RCBTB2: variants seen among roughly 807,000 people sequenced by gnomAD.
The protein encoded by RCBTB2 is RCC1 and BTB domain-containing protein 2.
In RCBTB2, 55 loss-of-function variants were observed where a neutral mutation model predicts 65.4. That is an observed-to-expected ratio of 0.84 (90% CI 0.68 to 1.05). The LOEUF is 1.05. Ranked by LOEUF, RCBTB2 falls within the 50% of genes least tolerant of loss-of-function variation. RCBTB2 has a pLI of 0.00. For synonymous variants in RCBTB2, 220 were observed against 255.2 expected, an observed-to-expected ratio of 0.86 and a Z score of 1.31; for missense variants, 599 against 680.1, an observed-to-expected ratio of 0.88 and a Z score of 1.33.
chr13:48,514,467 G>A (rs1340076174), intron 6 of RCBTB2, among the ~76,000 whole-genome samples: 1 of 152,200 alleles, frequency 6.6e-6, no homozygotes, highest in Non-Finnish European at 1.5e-5. Context: ...TAAAACCAAG[G>A]ATAACGGGAG....
upstream of RCBTB2, among the ~76,000 whole-genome samples, chr13:48,533,816 G>A (rs901176226): frequency 6.6e-6 from 1 of 152,200 alleles, no homozygotes; most frequent in African/African-American, 2.4e-5. Context: ...TGACCTGAGT[G>A]GGTTTTGGTT....
chr13:48,493,313 A>ACTCTCTCTCTCT (rs1213235186), intron 14 of RCBTB2, among the ~76,000 whole-genome samples: 52 of 60,140 alleles, frequency 8.6e-4, no homozygotes, highest in Non-Finnish European at 1.2e-3. Context: ...ACACACACAC[A>ACTCTCTCTCTCT]CACTCTCTCT....
intron 1 of RCBTB2, among the ~76,000 whole-genome samples, chr13:48,530,888 G>A (rs1952078812): frequency 6.6e-6 from 1 of 152,116 alleles, no homozygotes. Context: ...CATGCCGTGG[G>A]CTCCCATAAA....
intron 7 of RCBTB2, 88 bp from the exon 8 acceptor site, chr13:48,512,262 T>G (rs759501241): frequency 5.1e-6 from 6 of 1,178,794 alleles, no homozygotes; most frequent in Non-Finnish European, 7.3e-6. Context: ...GCACCGAGTC[T>G]TTCCTCTCAA....
intron 14 of RCBTB2, among the ~76,000 whole-genome samples, chr13:48,494,684 T>C (rs73479220): frequency 0.032 from 4,812 of 152,292 alleles, 224 homozygotes; most frequent in African/African-American, 0.11. Context: ...GCCACCATCT[T>C]GACATCTGAG....
Position 48,510,771 on chromosome 13 carries a change from C to T in RCBTB2, c.784G>A (p.Val262Ile), listed in dbSNP as rs531405614. ...AALQGIRVQR[V>I]ACGYAHTLVL... ...AATGTGTGTGCGTAGCCACAGGCGA[C>T]CTGGAAGGAAAAAAATCCACTCAGG... The change falls in exon 10 of 15, where the codon GTC becomes ATC. Residue 262 changes from valine (V) to isoleucine (I), a missense_variant and splice_region_variant. Physicochemically the swap from Val to Ile is conservative, Grantham distance 29. Coordinates refer to ENST00000344532, the MANE Select transcript of RCBTB2 (RefSeq NM_001268.4). The T allele has an allele frequency of 6.2e-7, 1 of 1,609,180 alleles. No individual in the cohort carries two copies. Among genetic ancestry groups the T allele is most frequent in the African/African-American group, 1.3e-5 (1 of 74,814 alleles).
At chr13:48,502,433 C>T (rs1172052813) in intron 11 of RCBTB2, among the ~76,000 whole-genome samples, 1 of 151,212 alleles carries the variant, frequency 6.6e-6, no homozygotes, top group East Asian at 1.9e-4. Flanking sequence ...CTGAAGGGTA[C>T]AGCGAGTTAT....
At position 48,511,786 on chromosome 13, in the gene RCBTB2, C is replaced by T. The variant is rs750559630; in HGVS notation, c.767G>A (p.Gly256Asp). 1.2e-6 allele frequency: 2 copies of T among 1,614,038 alleles called. No individual in the cohort carries two copies. The highest frequency in any genetic ancestry group is 1.1e-5 in the South Asian group (1 of 91,064). Residue 256 changes from glycine (G) to aspartate (D), a missense_variant, in exon 9 of 15, where the codon GGC (glycine) becomes GAC (aspartate). Physicochemically the swap from Gly to Asp is moderately conservative, Grantham distance 94 (BLOSUM62 -1). Transcript: ENST00000344532. ...PTPCRVAALQ[G>D]IRVQRVACGY... ...TGGACGTACCCTCTGGACACGGATG[C>T]CTTGCAAAGCTGCCACTCTGCAAGG...
intron 10 of RCBTB2, among the ~76,000 whole-genome samples, chr13:48,508,856 C>T (rs1950635821): frequency 6.6e-6 from 1 of 152,240 alleles, no homozygotes; most frequent in Admixed American, 6.5e-5. Context: ...CTTTCTCCCA[C>T]CTTGACGCCC....
At chr13:48,518,884 G>A (rs919014930) in intron 4 of RCBTB2, among the ~76,000 whole-genome samples, 1 of 152,078 alleles carries the variant, frequency 6.6e-6, no homozygotes, top group African/African-American at 2.4e-5. Flanking sequence ...TGAGGCCTTC[G>A]TTTTTAATTT....
At chr13:48,512,540 T>C (rs1265206821) in intron 7 of RCBTB2, among the ~76,000 whole-genome samples, 189 bp downstream of exon 7, 1 of 152,224 alleles carries the variant, frequency 6.6e-6, no homozygotes, top group Non-Finnish European at 1.5e-5. Context: ...TTTGCAATTA[T>C]GGAAGACCTT....
At chr13:48,501,335 CT>C (rs1950221364) in intron 12 of RCBTB2, among the ~76,000 whole-genome samples, 1 of 152,190 alleles carries the variant, frequency 6.6e-6, no homozygotes, top group African/African-American at 2.4e-5. Context: ...TTGATCTTCT[CT>C]TTCTTAAACC....
chr13:48,533,926 GAGCCAAAAGTAGTAA>G (rs1267416659), upstream of RCBTB2, among the ~76,000 whole-genome samples: 2 of 152,174 alleles, frequency 1.3e-5, no homozygotes, highest in East Asian at 3.8e-4. Context: ...CTACAGTGTA[GAGCCAAAAGTAGTAA>G]AGCCAAAGAG....
Position 48,521,968 on chromosome 13 carries a change from G to A in RCBTB2, c.-23-6C>T. On this transcript the variant is annotated splice_polypyrimidine_tract_variant and splice_region_variant and intron_variant, in intron 3 of 14. Transcript: ENST00000344532. ...GACTCAGTCCTGGGCAGTCCCTGAG[G>A]AAAAAGTATGTGGTAAAATCAGGAT... 1 of 1,611,290 alleles carries A rather than the reference G, an allele frequency of 6.2e-7. No homozygotes were observed. The highest frequency in any genetic ancestry group is 8.5e-7 in the Non-Finnish European group (1 of 1,178,950).
intron 2 of RCBTB2, among the ~76,000 whole-genome samples, chr13:48,522,613 A>G (rs919595413): frequency 2.6e-5 from 4 of 152,222 alleles, no homozygotes; most frequent in African/African-American, 9.6e-5. Context: ...AGCAGAAGCT[A>G]TGCAATATGT....
chr13:48,496,409 C>T, intron 13 of RCBTB2, 88 bp from the exon 14 acceptor site: 1 of 1,331,832 alleles, frequency 7.5e-7, no homozygotes, highest in Non-Finnish European at 1.0e-6. Flanking sequence ...ATGATTTTGA[C>T]ACTATTTTAG....
At chr13:48,533,935 G>A (rs1343784902), upstream of RCBTB2, among the ~76,000 whole-genome samples, 1 of 152,204 alleles carries the variant, frequency 6.6e-6, no homozygotes, top group Non-Finnish European at 1.5e-5. Flanking sequence ...AGAGCCAAAA[G>A]TAGTAAAGCC....
chr13:48,491,385 C>T (rs1949693846), intron 14 of RCBTB2, among the ~76,000 whole-genome samples: 1 of 152,152 alleles, frequency 6.6e-6, no homozygotes, highest in Admixed American at 6.5e-5. Context: ...TGGTACCACA[C>T]CAGCAATATG....
intron 10 of RCBTB2, among the ~76,000 whole-genome samples, chr13:48,509,201 C>G (rs1488173847): frequency 6.6e-6 from 1 of 152,118 alleles, no homozygotes; most frequent in Non-Finnish European, 1.5e-5. Flanking sequence ...GTGGCATGCT[C>G]CTGTAGTCCC....
Sources: gnomAD v4.1 joint callset for allele counts (sites outside exome capture counted in the v4.1 genomes callset) on GRCh38, gnomAD v4.1.1 for gene constraint, MANE v1.5 for transcripts, NCBI Gene and HGNC (gene_info 2026-07-23, HGNC 2026-07-21) for gene names.